The following CINP variants were observed in gnomAD, a reference collection of about 807,000 sequenced individuals.
CINP encodes the protein cyclin dependent kinase 2 interacting protein.
In CINP, 11 loss-of-function variants were observed where a neutral mutation model predicts 20.5. The observed-to-expected ratio is 0.54, with a 90% confidence interval of 0.34 to 0.89. The LOEUF (loss-of-function observed/expected upper bound fraction) is 0.89, where lower values mean the gene tolerates loss of function less well. Ranked by LOEUF, CINP falls within the 40% of genes least tolerant of loss-of-function variation. The pLI is 0.02. For missense variants in CINP, 213 were observed against 251.0 expected (o/e 0.85, Z 1.02); for synonymous variants, 108 against 102.1 (o/e 1.06, Z -0.35).
intron 3 of CINP, among the ~76,000 whole-genome samples, chr14:102,350,696 A>T (rs1331183027): frequency 6.6e-6 from 1 of 151,720 alleles, no homozygotes; most frequent in Non-Finnish European, 1.5e-5. Flanking sequence ...AAAGGCATCA[A>T]ATGAGCTCGT....
chr14:102,348,811 C>A, intron 4 of CINP, 52 bp from the exon 5 acceptor site: 2 of 1,529,908 alleles, frequency 1.3e-6, no homozygotes, highest in South Asian at 2.3e-5. Context: ...AACATAGTGT[C>A]GACTTGGGAA....
chr14:102,354,559 C>G (rs1215805550), intron 3 of CINP, among the ~76,000 whole-genome samples: 1 of 152,058 alleles, frequency 6.6e-6, no homozygotes, highest in African/African-American at 2.4e-5. Flanking sequence ...GACTTCGAGA[C>G]CAGCCTGGCC....
In CINP at chr14:102,362,649, C is replaced by T. The variant is rs528614397; in HGVS notation, c.7+196G>A. 1.2e-5 allele frequency: 9 copies of T among 736,112 alleles called. No homozygotes were observed. The East Asian group carries it at 2.1e-4, about 18-fold the overall frequency. 45.6% of individuals were successfully genotyped at this position (736,112 alleles called of 1,614,324 possible). Reference sequence around the variant, plus strand: ...ATCTGTCACTGCACATGTGAAAAAACGGAGGCTCGGCAAAACTGTCTCCCG... The same window carrying T: ...ATCTGTCACTGCACATGTGAAAAAATGGAGGCTCGGCAAAACTGTCTCCCG... On this transcript the variant is annotated intron_variant, in intron 1 of 4. Transcript: ENST00000216756.
chr14:102,357,291 A>G (rs1301549214), intron 2 of CINP, among the ~76,000 whole-genome samples: 4 of 150,372 alleles, frequency 2.7e-5, no homozygotes, highest in African/African-American at 7.3e-5. Flanking sequence ...CAAAGGCAGG[A>G]GAATTGCTTG....
chr14:102,352,654 CTTTTTCTT>C (rs916103595), intron 3 of CINP: 4 of 422,014 alleles, frequency 9.5e-6, no homozygotes, highest in East Asian at 7.2e-5. Context: ...AACCACTTTT[CTTTTTCTT>C]TTTTTCTTTT....
At position 102,348,557 on chromosome 14, in the gene CINP, T is replaced by C. The variant is rs150019678; in HGVS notation, c.639A>G (p.Ter213TrpextTer21). The C allele has an allele frequency of 4.0e-5, 65 of 1,608,576 alleles. No individual in the cohort carries two copies. Among genetic ancestry groups the C allele is most frequent in the Non-Finnish European group, 4.5e-5 (53 of 1,178,504 alleles). ...MLLETGHRAL[*>W] ...CAGTGTCCGCAGCCGTCTCAGGACGTCAGAGAGCTCGGTGGCCTGTCTCCA... is the reference window on the plus strand; with the variant it reads ...CAGTGTCCGCAGCCGTCTCAGGACGCCAGAGAGCTCGGTGGCCTGTCTCCA... The change falls in exon 5 of 5, where the codon TGA (stop) becomes TGG (tryptophan). Residue 213 changes from the stop codon to tryptophan, a stop_lost. Transcript: ENST00000216756.
chr14:102,362,579 G>T, intron 1 of CINP: 1 of 705,042 alleles, frequency 1.4e-6, no homozygotes, highest in Non-Finnish European at 2.6e-6. Flanking sequence ...ATTACAATTT[G>T]GATGTCGGAT....
At chr14:102,355,935 CT>C (rs1369152198) in intron 2 of CINP, 38 bp from the exon 3 acceptor site, 1 of 1,599,730 alleles carries the variant, frequency 6.3e-7, no homozygotes, top group African/African-American at 1.3e-5. Context: ...AAAATATACT[CT>C]TTAAGCTTGC....
chr14:102,359,094 C>T (rs915951250), intron 2 of CINP, among the ~76,000 whole-genome samples: 2 of 151,106 alleles, frequency 1.3e-5, no homozygotes, highest in Non-Finnish European at 1.5e-5. Context: ...CCAGCTACTC[C>T]GGAGGCTGAG....
In CINP at chr14:102,351,014, C is replaced by T. The variant is rs534149915; in HGVS notation, c.307-966G>A. 4.6e-4 allele frequency among the ~76,000 whole-genome samples: 70 copies of T among 152,038 alleles called. No homozygotes were observed. The highest frequency in any genetic ancestry group is 3.4e-3 in the Middle Eastern group (1 of 294). On this transcript the variant is annotated intron_variant, in intron 3 of 4. Coordinates refer to ENST00000216756, the MANE Select transcript of CINP (RefSeq NM_032630.3). This position sits in a 1 kb window ranked among gnomAD's most constrained non-coding sequence, Gnocchi z 4.2. ...CTAATTTGTGTATTTTTAGTAGAGA[C>T]GGGGTTTCACCATGTTGGCCAGGCT...
intron 1 of CINP, among the ~76,000 whole-genome samples, chr14:102,361,706 T>C (rs912600272): frequency 4.6e-5 from 7 of 150,966 alleles, no homozygotes; most frequent in African/African-American, 1.7e-4. Context: ...TTCTAAGTAT[T>C]AGCTTGGTGC....
chr14:102,352,494 T>G (rs1157692388), intron 3 of CINP: 3 of 455,744 alleles, frequency 6.6e-6, no homozygotes, highest in African/African-American at 2.0e-5. Flanking sequence ...GGAAGAACGG[T>G]GCATGAAACC....
chr14:102,349,771 T>G, intron 4 of CINP, 148 bp downstream of exon 4: 2 of 946,900 alleles, frequency 2.1e-6, no homozygotes, highest in South Asian at 2.9e-5. Flanking sequence ...GAAGAAATGT[T>G]TAAGATGCCT....
At chr14:102,356,860 C>T (rs145703986) in intron 2 of CINP, among the ~76,000 whole-genome samples, 65 of 152,190 alleles carry the variant, frequency 4.3e-4, no homozygotes, top group African/African-American at 1.5e-3. Context: ...CTCCACTGAC[C>T]GGCTGCTCCC....
chr14:102,348,895 A>G, intron 4 of CINP, 136 bp from the exon 5 acceptor site: 1 of 714,126 alleles, frequency 1.4e-6, no homozygotes. Context: ...GGCCCGATGG[A>G]GTTTACTACT....
chr14:102,355,518 G>GA (rs113572507), intron 3 of CINP: 19,783 of 302,842 alleles, frequency 0.065, no homozygotes, highest in South Asian at 0.094. Flanking sequence ...CCATATCATG[G>GA]AAAAAAAAAA....
At chr14:102,361,771 C>T (rs1887168110) in intron 1 of CINP, among the ~76,000 whole-genome samples, 1 of 152,052 alleles carries the variant, frequency 6.6e-6, no homozygotes. Flanking sequence ...ATTACTTTTG[C>T]ACCAACCTAA....
intron 1 of CINP, among the ~76,000 whole-genome samples, chr14:102,361,889 G>T (rs1002515334): frequency 1.3e-5 from 2 of 152,084 alleles, no homozygotes; most frequent in Non-Finnish European, 2.9e-5. Flanking sequence ...CCCCAGGTTG[G>T]GTTACGACTC....
rs1348682813 is a variant in CINP at position 102,359,579 on chromosome 14, G to A, written c.16C>T (p.Leu6Phe). The A allele has an allele frequency of 6.2e-7, 1 of 1,608,980 alleles. No individual in the cohort carries two copies. Among genetic ancestry groups the A allele is most frequent in the Non-Finnish European group, 8.5e-7 (1 of 1,177,576 alleles). Residue 6 changes from leucine to phenylalanine, a missense_variant, in exon 2 of 5, where the codon CTT (leucine) becomes TTT (phenylalanine). Transcript: ENST00000216756. MEAKT[L>F]GTVTPRKPVL... ...GGTTTTCTGGGCGTTACAGTTCCAA[G>A]AGTCTTTGCTGATAGGGTATAAAAG...
Sources: allele counts gnomAD v4.1 joint callset (sites outside exome capture counted in the v4.1 genomes callset), GRCh38; gene constraint gnomAD v4.1.1; non-coding constraint Gnocchi (gnomAD v3.1); transcripts MANE v1.5; gene names NCBI Gene and HGNC (gene_info 2026-07-23, HGNC 2026-07-21).